CNOT2: variants seen among roughly 807,000 people sequenced by gnomAD.
CNOT2 encodes CCR4-NOT transcription complex subunit 2, also known as CC chemokine receptor 4-negative regulator of transcription 2.
CNOT2 carries 7 observed loss-of-function variants against 72.1 expected under a neutral mutation model. That is an observed-to-expected ratio of 0.10 (90% CI 0.06 to 0.18). The LOEUF (loss-of-function observed/expected upper bound fraction) is 0.18. Ranked by LOEUF, CNOT2 falls within the 10% of genes least tolerant of loss-of-function variation. The probability of loss-of-function intolerance (pLI) is 1.00; values close to 1 mark genes in which losing one functional copy is unlikely to be tolerated. For missense variants in CNOT2, 345 were observed against 660.3 expected (o/e 0.52, Z 5.23); for synonymous variants, 196 against 225.6 (o/e 0.87, Z 1.17).
chr12:70,262,567 G>A (rs749844898), intron 1 of CNOT2, among the ~76,000 whole-genome samples: 10 of 152,198 alleles, frequency 6.6e-5, no homozygotes, highest in South Asian at 2.1e-4. Flanking sequence ...GAGCCACGGC[G>A]CCCGGCCTAA....
chr12:70,285,023 C>T (rs891680560), intron 2 of CNOT2, among the ~76,000 whole-genome samples: 17 of 152,118 alleles, frequency 1.1e-4, no homozygotes, highest in African/African-American at 3.4e-4. Context: ...CAACGTATGA[C>T]GTAGACTTTA....
chr12:70,259,657 T>C (rs966464763), intron 1 of CNOT2, among the ~76,000 whole-genome samples: 3 of 152,188 alleles, frequency 2.0e-5, no homozygotes, highest in African/African-American at 4.8e-5. Context: ...TCATGACTTA[T>C]TTATGTTGCA....
intron 2 of CNOT2, chr12:70,294,087 C>T (rs926210419): frequency 1.3e-5 from 17 of 1,277,668 alleles, no homozygotes; most frequent in Non-Finnish European, 1.6e-5. Flanking sequence ...AGAATCCCAT[C>T]GTTTATCATG....
At position 70,305,120 on chromosome 12, in the gene CNOT2, G is replaced by A. The variant is rs1261796171; in HGVS notation, c.49-5775G>A. ...AATTCCCTGACCCCTTGGGCTTCCC[G>A]GGTGAGGCGATGCCCCGCCCTGTTT... is the stretch of plus-strand genomic sequence containing the variant. On this transcript the variant is annotated intron_variant, in intron 2 of 15. Transcript: ENST00000229195. Among the ~76,000 whole-genome samples the A allele has an allele frequency of 4.6e-5, 7 of 152,204 alleles. 1 individual carries two copies. The highest frequency in any genetic ancestry group is 4.1e-4 in the South Asian group (2 of 4,836).
chr12:70,303,833 C>G (rs1356743996), intron 2 of CNOT2, among the ~76,000 whole-genome samples: 2 of 152,196 alleles, frequency 1.3e-5, no homozygotes, highest in African/African-American at 4.8e-5. Context: ...GTTCCATTCT[C>G]CCCGTCACTT....
At chr12:70,329,152 T>C (rs915289266) in intron 4 of CNOT2, among the ~76,000 whole-genome samples, 3 of 151,966 alleles carry the variant, frequency 2.0e-5, no homozygotes, top group Non-Finnish European at 4.4e-5. Context: ...CATAATATTG[T>C]AACTTGTTAG....
chr12:70,276,868 C>T (rs1165580728), intron 1 of CNOT2, among the ~76,000 whole-genome samples: 1 of 151,940 alleles, frequency 6.6e-6, no homozygotes, highest in Non-Finnish European at 1.5e-5. Context: ...ACTCCCACTA[C>T]CTTTGTGATG....
At chr12:70,342,010 A>G (rs1236988651) in intron 11 of CNOT2, 97 bp from the exon 12 acceptor site, 4 of 812,128 alleles carry the variant, frequency 4.9e-6, no homozygotes, top group Non-Finnish European at 8.8e-6. Context: ...AGAAGTAAAG[A>G]TGGTCATTTT....
intron 1 of CNOT2, among the ~76,000 whole-genome samples, chr12:70,269,870 T>C (rs4761134): frequency 0.28 from 42,949 of 152,092 alleles, 6,359 homozygotes; most frequent in Admixed American, 0.44. Flanking sequence ...TTCCAGCCCA[T>C]GAGACATTTG....
At chr12:70,335,771 A>G (rs1046788719) in intron 8 of CNOT2, 13 of 369,906 alleles carry the variant, frequency 3.5e-5, no homozygotes, top group African/African-American at 6.3e-5. Flanking sequence ...AAATGGGAAA[A>G]CTTTGTACAA....
intron 1 of CNOT2, among the ~76,000 whole-genome samples, chr12:70,275,638 A>G (rs1473634951): frequency 6.6e-6 from 1 of 152,080 alleles, no homozygotes; most frequent in Non-Finnish European, 1.5e-5. Context: ...TCCTTGCCTT[A>G]TAGAAAATTT....
chr12:70,343,442 G>T (rs1881761624), intron 13 of CNOT2, among the ~76,000 whole-genome samples: 1 of 152,100 alleles, frequency 6.6e-6, no homozygotes, highest in East Asian at 1.9e-4. Context: ...TTCTACCTTG[G>T]GGAGAGAAAT....
In CNOT2 at chr12:70,354,005, G is replaced by T. The variant is rs1221489828; in HGVS notation, c.*90G>T. 5 of 1,492,946 alleles carry T rather than the reference G, an allele frequency of 3.3e-6. No homozygotes were observed. The East Asian group carries it at 1.2e-4, about 36-fold the overall frequency. The allele number at this position is 1,492,946 out of a possible 1,614,324, so 92.5% of individuals were successfully genotyped here. A position where few individuals can be genotyped will look rare whatever the true frequency, so the allele number is the denominator to read the frequency against. The stretch of plus-strand genomic sequence containing the variant: ...TCAACATAACTGCAGAACTGATGTG[G>T]CTCAGGCACCCTGGTTTTAATTCCT... On this transcript the variant is annotated 3_prime_UTR_variant, in exon 16 of 16. Coordinates refer to ENST00000229195, the MANE Select transcript of CNOT2 (RefSeq NM_014515.7).
intron 4 of CNOT2, among the ~76,000 whole-genome samples, chr12:70,326,222 T>A (rs74101496): frequency 0.024 from 3,665 of 151,958 alleles, 145 homozygotes; most frequent in African/African-American, 0.083. Context: ...AAACTTTTTT[T>A]AAAATTTGTT....
chr12:70,265,003 C>T (rs1315508365), intron 1 of CNOT2, among the ~76,000 whole-genome samples: 3 of 151,580 alleles, frequency 2.0e-5, no homozygotes, highest in Admixed American at 6.6e-5. Context: ...CTTACTTGTT[C>T]GTAGATCTTT....
intron 2 of CNOT2, chr12:70,294,359 G>T (rs1019056412): frequency 7.1e-6 from 8 of 1,132,390 alleles, no homozygotes; most frequent in South Asian, 6.6e-5. Context: ...GAGGGTGGAT[G>T]TTGGGCCATT....
chr12:70,302,181 AT>A lies in CNOT2; in HGVS notation c.49-8707del, dbSNP rs1332660526. Among the ~76,000 whole-genome samples, 9 of 151,724 alleles carry A rather than the reference AT, an allele frequency of 5.9e-5. No individual in the cohort carries two copies. The East Asian group carries it at 1.2e-3, about 20-fold the overall frequency. On this transcript the variant is annotated intron_variant, in intron 2 of 15. Coordinates refer to ENST00000229195, the MANE Select transcript of CNOT2 (RefSeq NM_014515.7). ...AAAAAACCAGCTCCTGGATTCATTA[AT>A]TTTTTTGAAGGGTTTTTTGTGTCTC...
intron 2 of CNOT2, among the ~76,000 whole-genome samples, chr12:70,300,479 C>G (rs1413572532): frequency 6.6e-6 from 1 of 152,184 alleles, no homozygotes; most frequent in East Asian, 1.9e-4. Context: ...AATAGGCAAT[C>G]CTTTCCCCAT....
chr12:70,257,354 C>CCTTTTTTTTTTTTT (rs1958507396), intron 1 of CNOT2, among the ~76,000 whole-genome samples: 3 of 128,568 alleles, frequency 2.3e-5, no homozygotes, highest in African/African-American at 8.4e-5. Flanking sequence ...CAACTACCCC[C>CCTTTTTTTTTTTTT]TTTTTTTTTT....
Sources: allele counts gnomAD v4.1 joint callset (sites outside exome capture counted in the v4.1 genomes callset), GRCh38; gene constraint gnomAD v4.1.1; transcripts MANE v1.5; gene names NCBI Gene and HGNC (gene_info 2026-07-23, HGNC 2026-07-21).